GPC6: variants seen among roughly 807,000 people sequenced by gnomAD.
The protein encoded by GPC6 is glypican 6, also known as glypican-6.
A neutral mutation model predicts 55.2 loss-of-function variants in GPC6; 14 were observed. The observed-to-expected ratio is 0.25, with a 90% CI of 0.17 to 0.40. The LOEUF (loss-of-function observed/expected upper bound fraction) is 0.40. Among genes scored for constraint, GPC6 ranks in the 10% least tolerant of loss-of-function variants. The pLI is 1.00. For missense variants in GPC6, 641 were observed against 708.5 expected, an observed-to-expected ratio of 0.90 and a Z score of 1.08; for synonymous variants, 278 against 259.6, an observed-to-expected ratio of 1.07 and a Z score of -0.68.
At chr13:93,935,612 A>G (rs2140358280) in intron 3 of GPC6, among the ~76,000 whole-genome samples, 1 of 152,304 alleles carries the variant, frequency 6.6e-6, no homozygotes, top group South Asian at 2.1e-4. Context: ...ATATGAAGCT[A>G]TTATAAAGTT....
At chr13:93,397,338 T>C (rs1875896945) in intron 1 of GPC6, among the ~76,000 whole-genome samples, 1 of 152,178 alleles carries the variant, frequency 6.6e-6, no homozygotes, top group Admixed American at 6.5e-5. Context: ...TTTTTTGGTA[T>C]AGCCATCTAA....
intron 2 of GPC6, among the ~76,000 whole-genome samples, chr13:93,746,135 A>G (rs761356853): frequency 6.6e-6 from 1 of 152,196 alleles, no homozygotes; most frequent in Non-Finnish European, 1.5e-5. Flanking sequence ...ATATACTACA[A>G]AAGTGTACCA....
chr13:94,229,292 G>A (rs531591964), intron 4 of GPC6, among the ~76,000 whole-genome samples: 5 of 152,208 alleles, frequency 3.3e-5, no homozygotes, highest in African/African-American at 1.2e-4. Flanking sequence ...GCAGGATAGG[G>A]AATAATTTGA....
intron 1 of GPC6, among the ~76,000 whole-genome samples, chr13:93,285,469 T>G (rs1878079200): frequency 6.6e-6 from 1 of 152,178 alleles, no homozygotes; most frequent in Non-Finnish European, 1.5e-5. Flanking sequence ...TAGTCCTAGT[T>G]TGTCAATTAG....
chr13:94,185,732 C>T (rs563141126), intron 4 of GPC6, among the ~76,000 whole-genome samples: 1 of 152,102 alleles, frequency 6.6e-6, no homozygotes, highest in East Asian at 1.9e-4. Flanking sequence ...GCATCCCCAG[C>T]GTGGAGCTCA....
At chr13:94,316,042 A>G (rs1876503814) in intron 6 of GPC6, among the ~76,000 whole-genome samples, 1 of 152,244 alleles carries the variant, frequency 6.6e-6, no homozygotes, top group African/African-American at 2.4e-5. Context: ...CAGGGAAGCC[A>G]AAAGATTGGA....
intron 3 of GPC6, among the ~76,000 whole-genome samples, chr13:93,961,512 G>T (rs1027269798): frequency 6.6e-6 from 1 of 151,978 alleles, no homozygotes; most frequent in Admixed American, 6.5e-5. Flanking sequence ...ATTTCCAAAA[G>T]AAAAAAGATT....
chr13:94,388,823 G>GT (rs1245598277), intron 7 of GPC6, among the ~76,000 whole-genome samples: 2 of 152,128 alleles, frequency 1.3e-5, no homozygotes, highest in African/African-American at 2.4e-5. Context: ...TCATTCAACC[G>GT]TAAGAGGGTA....
chr13:94,202,372 G>A (rs1272958809), intron 4 of GPC6, among the ~76,000 whole-genome samples: 1 of 152,168 alleles, frequency 6.6e-6, no homozygotes, highest in East Asian at 1.9e-4. Context: ...AGGTTTAATG[G>A]ACTCACAGTT....
In GPC6 at chr13:93,709,002, A is replaced by G. The variant is rs181058839; in HGVS notation, c.320-121152A>G. Reference sequence around the variant, plus strand: ...CTGACTCCAAGGTATGTTATTATATACGATGTATTGAAGGATATCATGCCC... The same window carrying G: ...CTGACTCCAAGGTATGTTATTATATGCGATGTATTGAAGGATATCATGCCC... On this transcript the variant is annotated intron_variant, in intron 2 of 8. Coordinates refer to ENST00000377047, the MANE Select transcript of GPC6 (RefSeq NM_005708.5). Among the ~76,000 whole-genome samples the G allele has an allele frequency of 2.0e-4, 30 of 151,940 alleles. No homozygotes were observed. The East Asian group carries it at 5.7e-3, about 29-fold the overall frequency.
intron 1 of GPC6, among the ~76,000 whole-genome samples, chr13:93,496,636 T>G (rs2813588): frequency 0.16 from 24,901 of 152,212 alleles, 2,415 homozygotes; most frequent in South Asian, 0.22. Context: ...AGACAACATA[T>G]TGCAGTGGAG....
intron 1 of GPC6, among the ~76,000 whole-genome samples, chr13:93,292,619 TAC>T (rs1434601201): frequency 2.6e-5 from 4 of 152,326 alleles, no homozygotes; most frequent in East Asian, 1.9e-4. Flanking sequence ...TTGTGAAATT[TAC>T]ACAGAGTGTA....
At chr13:94,000,551 A>G (rs1382805293) in intron 3 of GPC6, among the ~76,000 whole-genome samples, 1 of 152,134 alleles carries the variant, frequency 6.6e-6, no homozygotes, top group Non-Finnish European at 1.5e-5. Context: ...TCTCTTCATG[A>G]ATGTAAATTT....
At chr13:93,882,559 C>A (rs1875059448) in intron 3 of GPC6, among the ~76,000 whole-genome samples, 1 of 151,808 alleles carries the variant, frequency 6.6e-6, no homozygotes. Context: ...TCCTTGGTAT[C>A]CTGGTTGATT....
intron 3 of GPC6, among the ~76,000 whole-genome samples, chr13:93,859,215 T>A (rs1888727776): frequency 6.6e-6 from 1 of 151,662 alleles, no homozygotes; most frequent in African/African-American, 2.4e-5. Flanking sequence ...CTTTTAAAAA[T>A]GCACAAACAT....
chr13:94,391,818 CT>C (rs1880658739), intron 7 of GPC6, among the ~76,000 whole-genome samples: 1 of 152,208 alleles, frequency 6.6e-6, no homozygotes, highest in Non-Finnish European at 1.5e-5. Context: ...CCCCCAGGCC[CT>C]GCTGACCACC....
In GPC6 at chr13:93,828,688, A is replaced by G. The variant is rs149716685; in HGVS notation, c.320-1466A>G. Among the ~76,000 whole-genome samples the G allele has an allele frequency of 3.7e-4, 57 of 152,258 alleles. No homozygotes were observed. In the East Asian group the frequency reaches 0.01, roughly 28 times the overall value. On this transcript the variant is annotated intron_variant, in intron 2 of 8. Coordinates refer to ENST00000377047, the MANE Select transcript of GPC6 (RefSeq NM_005708.5). ...TTGTAATCCCACAGTTTTTGCTGCC[A>G]CTGTAGCAACAGAATGTCTATTTAA...
At chr13:94,154,525 G>A (rs1201744100) in intron 4 of GPC6, 2 of 152,174 alleles carry the variant, frequency 1.3e-5, no homozygotes, top group East Asian at 3.9e-4. Flanking sequence ...TTGCCAACAT[G>A]TACCATGTGA....
At chr13:93,286,290 A>G (rs1484349002) in intron 1 of GPC6, among the ~76,000 whole-genome samples, 2 of 152,156 alleles carry the variant, frequency 1.3e-5, no homozygotes, top group Admixed American at 6.5e-5. Context: ...AGCTGCCCCC[A>G]CGATTCAGTG....
Sources: gnomAD v4.1 joint callset for allele counts (sites outside exome capture counted in the v4.1 genomes callset) on GRCh38, gnomAD v4.1.1 for gene constraint, MANE v1.5 for transcripts, NCBI Gene and HGNC (gene_info 2026-07-23, HGNC 2026-07-21) for gene names.